The following EFHD2 variants were observed in gnomAD, a reference collection of about 807,000 sequenced individuals.
The protein encoded by EFHD2 is EF-hand domain family member D2.
In EFHD2, 12 loss-of-function variants were observed where a neutral mutation model predicts 20.3. That is an observed-to-expected ratio of 0.59 (90% CI 0.38 to 0.96). EFHD2 has a LOEUF of 0.96. Ranked by LOEUF, EFHD2 falls within the 40% of genes least tolerant of loss-of-function variation. The pLI is 0.00. For synonymous variants in EFHD2, 131 were observed against 143.9 expected (o/e 0.91, Z 0.64); for missense variants, 250 against 334.3 (o/e 0.75, Z 1.97).
Position 15,425,956 on chromosome 1 carries a change from G to T in EFHD2, c.394G>T (p.Gly132Cys). 1 of 1,600,586 alleles carries T rather than the reference G, an allele frequency of 6.2e-7. No homozygotes were observed. Among genetic ancestry groups the T allele is most frequent in the Non-Finnish European group, 8.5e-7 (1 of 1,174,996 alleles). The part of the protein sequence containing the change: ...EKLGAPQTHL[G>C]LKNMIKEVDE... ...ACTTGGGGCCCCTCAGACCCACCTG[G>T]GCCTGAAAAACATGATCAAGGAGGT... is the stretch of plus-strand genomic sequence containing the variant. The change falls in exon 2 of 4, where the codon GGC becomes TGC. Residue 132 changes from glycine to cysteine, a missense_variant. Gly to Cys is a radical substitution (Grantham distance 159). Transcript: ENST00000375980.
At position 15,426,265 on chromosome 1, in the gene EFHD2, G is replaced by A. The variant is rs539748919; in HGVS notation, c.456+247G>A. On this transcript the variant is annotated intron_variant, in intron 2 of 3. Coordinates refer to ENST00000375980, the MANE Select transcript of EFHD2 (RefSeq NM_024329.6). The surrounding 1 kb of genome is among the most constrained non-coding windows in gnomAD (Gnocchi z 4.6). ...GGACAGCCCTTCCTTCACATAGGGAGCATATATTGAGCGATTTCTGTATAC... is the reference window on the plus strand; with the variant it reads ...GGACAGCCCTTCCTTCACATAGGGAACATATATTGAGCGATTTCTGTATAC... Among the ~76,000 whole-genome samples the A allele has an allele frequency of 1.3e-5, 2 of 152,314 alleles. No homozygotes were observed. The highest frequency in any genetic ancestry group is 1.9e-4 in the East Asian group (1 of 5,182).
chr1:15,425,220 C>T (rs914474919), intron 1 of EFHD2, among the ~76,000 whole-genome samples: 3 of 152,070 alleles, frequency 2.0e-5, no homozygotes, highest in Non-Finnish European at 4.4e-5. Flanking sequence ...TCCACCCTGC[C>T]GTGGTATTGA....
intron 1 of EFHD2, among the ~76,000 whole-genome samples, chr1:15,418,566 A>G (rs541274158): frequency 4.0e-4 from 61 of 152,094 alleles, no homozygotes; most frequent in African/African-American, 1.3e-3. Flanking sequence ...TGGCCTCCCA[A>G]AGTGCTGGGA....
intron 1 of EFHD2, among the ~76,000 whole-genome samples, chr1:15,422,990 T>A (rs1707819154): frequency 6.6e-6 from 1 of 152,196 alleles, no homozygotes; most frequent in Non-Finnish European, 1.5e-5. Flanking sequence ...TTTGCTTTCC[T>A]GGGGGGCACT....
chr1:15,424,499 C>G (rs1707841139), intron 1 of EFHD2, among the ~76,000 whole-genome samples: 1 of 152,180 alleles, frequency 6.6e-6, no homozygotes, highest in Non-Finnish European at 1.5e-5. Context: ...AAAAGAGAAC[C>G]TGAGAGTGCA....
chr1:15,422,426 C>T (rs1381093483), intron 1 of EFHD2, among the ~76,000 whole-genome samples: 2 of 151,938 alleles, frequency 1.3e-5, no homozygotes, highest in East Asian at 1.9e-4. Context: ...CCACCCTATG[C>T]GCTATAGGAG....
chr1:15,428,870 G>T lies in EFHD2; in HGVS notation c.*146G>T. 2 of 1,276,326 alleles carry T rather than the reference G, an allele frequency of 1.6e-6. No homozygotes were observed. The highest frequency in any genetic ancestry group is 2.2e-6 in the Non-Finnish European group (2 of 928,478). 79.1% of individuals were successfully genotyped at this position (1,276,326 alleles called of 1,614,324 possible). On this transcript the variant is annotated 3_prime_UTR_variant, in exon 4 of 4. Coordinates refer to ENST00000375980, the MANE Select transcript of EFHD2 (RefSeq NM_024329.6). ...ATCTGTGAATGGAGCAAGTTCAGGG[G>T]TCTTATGGAGGTGGCCCGGCCCCTC...
At position 15,428,779 on chromosome 1, in the gene EFHD2, C is replaced by T. The variant is rs796420271; in HGVS notation, c.*55C>T. ...GCCCCAGTGTGGTGGGCGAGGGTGG[C>T]GCATGGGAGGCCGAGCCTGAATCCT... On this transcript the variant is annotated 3_prime_UTR_variant, in exon 4 of 4. Transcript: ENST00000375980. 134 of 1,548,714 alleles carry T rather than the reference C, an allele frequency of 8.7e-5. 1 individual carries two copies. In the Admixed American group the frequency reaches 1.8e-3, roughly 21 times the overall value.
intron 1 of EFHD2, among the ~76,000 whole-genome samples, chr1:15,419,205 T>TG (rs770924811): frequency 4.6e-5 from 7 of 152,080 alleles, no homozygotes; most frequent in Non-Finnish European, 8.8e-5. Context: ...GGGTCGTCCT[T>TG]GGGGGGTAAC....
rs998375297 is a variant in EFHD2, at chr1:15,414,638, CCCACTGGCTGCCT to C, written c.308+4365_308+4377del. On this transcript the variant is annotated intron_variant, in intron 1 of 3. Coordinates refer to ENST00000375980, the MANE Select transcript of EFHD2 (RefSeq NM_024329.6). ...CTGGCTCAGAGGCAGCTCCACAGTG[CCCACTGGCTGCCT>C]CCACTTAACCACCAGCGGAGCTTCC... Among the ~76,000 whole-genome samples, 70 of 152,340 alleles carry C rather than the reference CCCACTGGCTGCCT, an allele frequency of 4.6e-4. 1 individual carries two copies. Among genetic ancestry groups the C allele is most frequent in the African/African-American group, 1.6e-3 (68 of 41,576 alleles).
intron 1 of EFHD2, among the ~76,000 whole-genome samples, chr1:15,422,105 T>C (rs994767761): frequency 1.3e-5 from 2 of 148,678 alleles, no homozygotes; most frequent in African/African-American, 5.0e-5. Context: ...TTTTTTTTTT[T>C]TTTTTGAGAC....
intron 1 of EFHD2, among the ~76,000 whole-genome samples, chr1:15,422,657 C>T (rs1347596772): frequency 5.9e-5 from 9 of 151,764 alleles, no homozygotes; most frequent in Admixed American, 5.9e-4. Context: ...GTCAGGAGAT[C>T]GAAACCATCC....
intron 1 of EFHD2, among the ~76,000 whole-genome samples, chr1:15,420,508 A>ATTATTTATTTATTTATTTATTTAT (rs71572155): frequency 1.9e-4 from 29 of 151,238 alleles, no homozygotes; most frequent in Middle Eastern, 6.8e-3. Context: ...CGCCCAGCTA[A>ATTATTTATTTATTTATTTATTTAT]TTATTTATTT....
chr1:15,419,520 G>C (rs948843500), intron 1 of EFHD2, among the ~76,000 whole-genome samples: 53 of 133,660 alleles, frequency 4.0e-4, no homozygotes, highest in African/African-American at 2.0e-3. Context: ...CATGGGACCA[G>C]GAAAAAGAGA....
chr1:15,418,430 C>T (rs1320280837), intron 1 of EFHD2, among the ~76,000 whole-genome samples: 11 of 151,066 alleles, frequency 7.3e-5, no homozygotes, highest in Non-Finnish European at 1.2e-4. Context: ...CTCAGCCTCC[C>T]GAGTAGCTGG....
rs963031025 is a variant in EFHD2 at position 15,426,937 on chromosome 1, G to A, written c.457-213G>A. On this transcript the variant is annotated intron_variant, in intron 2 of 3. Coordinates refer to ENST00000375980, the MANE Select transcript of EFHD2 (RefSeq NM_024329.6). The surrounding 1 kb of genome is among the most constrained non-coding windows in gnomAD (Gnocchi z 4.6). ...AGGGCTGCAGTAGGCCAGCATCCTGGGTGGCAGATGAGTCATATCTCCTCC... is the reference window on the plus strand; with the variant it reads ...AGGGCTGCAGTAGGCCAGCATCCTGAGTGGCAGATGAGTCATATCTCCTCC... Among the ~76,000 whole-genome samples the A allele has an allele frequency of 2.0e-5, 3 of 152,174 alleles. No individual in the cohort carries two copies. The highest frequency in any genetic ancestry group is 7.2e-5 in the African/African-American group (3 of 41,438).
chr1:15,412,997 GGGT>G (rs1208209684), intron 1 of EFHD2, among the ~76,000 whole-genome samples: 1 of 152,084 alleles, frequency 6.6e-6, no homozygotes, highest in African/African-American at 2.4e-5. Flanking sequence ...GCCCGGGTGA[GGGT>G]GGAAAGCTGC....
intron 1 of EFHD2, among the ~76,000 whole-genome samples, chr1:15,419,393 A>T (rs1297428570): frequency 2.0e-5 from 3 of 152,226 alleles, no homozygotes; most frequent in Non-Finnish European, 4.4e-5. Flanking sequence ...CTGAGCTCCC[A>T]GGCTGGGCGC....
intron 1 of EFHD2, among the ~76,000 whole-genome samples, chr1:15,412,706 T>A (rs1346872998): frequency 1.3e-5 from 2 of 152,184 alleles, no homozygotes; most frequent in Non-Finnish European, 2.9e-5. Flanking sequence ...ACCCAGACAC[T>A]TCAAATGAGC....
Sources: allele counts gnomAD v4.1 joint callset (sites outside exome capture counted in the v4.1 genomes callset), GRCh38; gene constraint gnomAD v4.1.1; non-coding constraint Gnocchi (gnomAD v3.1); transcripts MANE v1.5; gene names NCBI Gene and HGNC (gene_info 2026-07-23, HGNC 2026-07-21).